C17orf114: variants seen among roughly 807,000 people sequenced by gnomAD.
C17orf114 encodes the protein uncharacterized protein C17orf114.
chr17:4,805,357 G>A (rs1168020425), upstream of C17orf114, among the ~76,000 whole-genome samples: 1 of 151,776 alleles, frequency 6.6e-6, no homozygotes, highest in Non-Finnish European at 1.5e-5. Flanking sequence ...GGGAGGCGGA[G>A]GTTGCAGTGA....
At position 4,801,364 on chromosome 17, in the gene C17orf114, G is replaced by C; in HGVS notation, c.165C>G (p.Tyr55Ter). Reference sequence around the variant, plus strand: ...AGGAGAGTCGGGCTTTCCTGCTGAAGTAGGCACCAGGCCCTGGCGAGGGTA... The same window carrying C: ...AGGAGAGTCGGGCTTTCCTGCTGAACTAGGCACCAGGCCCTGGCGAGGGTA... Residue 55 changes from tyrosine (Y) to a stop codon, truncating the protein, a stop_gained, in exon 2 of 2, where the codon TAC (tyrosine) becomes TAG (stop). Transcript: ENST00000635921. LOFTEE classifies it high-confidence loss of function. 1 of 398,934 alleles carries C rather than the reference G, an allele frequency of 2.5e-6. No homozygotes were observed. The highest frequency in any genetic ancestry group is 4.4e-6 in the Non-Finnish European group (1 of 226,288). The allele number at this position is 398,934 out of a possible 1,614,324, so 24.7% of individuals were successfully genotyped here.
upstream of C17orf114, among the ~76,000 whole-genome samples, chr17:4,802,798 T>C (rs1905544486): frequency 6.6e-6 from 1 of 152,212 alleles, no homozygotes; most frequent in Non-Finnish European, 1.5e-5. Context: ...TGTTAGATTC[T>C]CATTAAATGG....
At chr17:4,805,383 T>C (rs371780413), upstream of C17orf114, among the ~76,000 whole-genome samples, 817 of 142,296 alleles carry the variant, frequency 5.7e-3, 9 homozygotes, top group African/African-American at 0.019. Context: ...GATCGCGCCA[T>C]TGCACTCCAG....
chr17:4,801,892 G>C (rs950810907), intron 1 of C17orf114, among the ~76,000 whole-genome samples: 1 of 151,798 alleles, frequency 6.6e-6, no homozygotes, highest in Non-Finnish European at 1.5e-5. Flanking sequence ...CACCACACCC[G>C]GCTAATTTTT....
chr17:4,805,534 G>A (rs902043577), upstream of C17orf114, among the ~76,000 whole-genome samples: 6 of 149,154 alleles, frequency 4.0e-5, no homozygotes, highest in East Asian at 2.0e-4. Flanking sequence ...AGACCAGCCC[G>A]GCCAACATGG....
chr17:4,803,416 ATTTTTTTTTTTTTT>A (rs34116712), upstream of C17orf114, among the ~76,000 whole-genome samples: 4 of 75,450 alleles, frequency 5.3e-5, no homozygotes, highest in African/African-American at 1.7e-4. Context: ...GTTTTTTTTA[ATTTTTTTTTTTTTT>A]TTTTTTTTTT....
At chr17:4,806,420 C>T (rs938324546), upstream of C17orf114, among the ~76,000 whole-genome samples, 1 of 152,142 alleles carries the variant, frequency 6.6e-6, no homozygotes, top group South Asian at 2.1e-4. Flanking sequence ...ACATGTATAT[C>T]AAAAGAGAAA....
intron 1 of C17orf114, 125 bp from the exon 2 acceptor site, chr17:4,801,580 T>G (rs1438718701): frequency 2.5e-6 from 1 of 397,534 alleles, no homozygotes; most frequent in East Asian, 3.6e-5. Flanking sequence ...GTGAGGAGTG[T>G]TGGTGGCAGC....
chr17:4,805,499 C>T (rs186117516), upstream of C17orf114, among the ~76,000 whole-genome samples: 2 of 151,802 alleles, frequency 1.3e-5, no homozygotes, highest in Non-Finnish European at 2.9e-5. Flanking sequence ...CTGAGGAGGG[C>T]GGATCACTTG....
chr17:4,801,252 T>C, exon 2 of C17orf114: 2 of 398,758 alleles, frequency 5.0e-6, no homozygotes, highest in Middle Eastern at 6.3e-4. Flanking sequence ...GGAAGCTTGC[T>C]AAGCCTTCCT....
chr17:4,802,904 T>G (rs1487158832), upstream of C17orf114, among the ~76,000 whole-genome samples: 2 of 152,140 alleles, frequency 1.3e-5, no homozygotes, highest in Non-Finnish European at 2.9e-5. Context: ...TTGTCTCATT[T>G]CACTTAATCA....
In C17orf114 at chr17:4,801,464, T is replaced by C; in HGVS notation, c.74-9A>G. The C allele has an allele frequency of 2.5e-6, 1 of 398,494 alleles. No homozygotes were observed. The highest frequency in any genetic ancestry group is 4.4e-6 in the Non-Finnish European group (1 of 226,190). 24.7% of individuals were successfully genotyped at this position (398,494 alleles called of 1,614,324 possible). A position where few individuals can be genotyped will look rare whatever the true frequency, so the allele number is the denominator to read the frequency against. ...GGCAGCAGGACTCAGGCCTAAAAGA[T>C]TGGAGGAAGAAGGAAGTTGTAGGTC... On this transcript the variant is annotated splice_polypyrimidine_tract_variant and intron_variant, in intron 1 of 1. Coordinates refer to ENST00000635921, the Ensembl canonical transcript of C17orf114.
intron 1 of C17orf114, among the ~76,000 whole-genome samples, chr17:4,801,879 C>T (rs563272657): frequency 1.4e-4 from 22 of 151,886 alleles, no homozygotes; most frequent in East Asian, 5.8e-4. Context: ...TACAGGCGCC[C>T]GCCACCACAC....
upstream of C17orf114, among the ~76,000 whole-genome samples, chr17:4,804,815 A>T (rs1005905055): frequency 2.7e-5 from 4 of 150,700 alleles, no homozygotes; most frequent in Non-Finnish European, 4.4e-5. Context: ...CGATCTCCTG[A>T]CCTCGTGATC....
upstream of C17orf114, among the ~76,000 whole-genome samples, chr17:4,805,665 A>G (rs1319670466): frequency 8.7e-6 from 1 of 115,160 alleles, no homozygotes; most frequent in African/African-American, 3.4e-5. Flanking sequence ...CAAGAGCGAG[A>G]CTCTGGCCGG....
exon 1 of C17orf114, chr17:4,802,265 C>T (rs138461985): frequency 3.5e-5 from 14 of 399,880 alleles, no homozygotes; most frequent in Non-Finnish European, 5.3e-5. Flanking sequence ...CTTTCAGTCC[C>T]CCGCTGCCTC....
upstream of C17orf114, chr17:4,806,949 CG>C (rs1268252915): frequency 6.7e-6 from 1 of 150,022 alleles, no homozygotes. Flanking sequence ...GAGAGCTACG[CG>C]GCCCCGCGGC....
At chr17:4,804,441 T>C (rs970207036), upstream of C17orf114, among the ~76,000 whole-genome samples, 2 of 151,996 alleles carry the variant, frequency 1.3e-5, no homozygotes, top group Admixed American at 6.6e-5. Flanking sequence ...CGTGACCTCG[T>C]GATCTGCCCT....
upstream of C17orf114, among the ~76,000 whole-genome samples, chr17:4,804,763 T>G (rs937806212): frequency 1.3e-5 from 2 of 151,202 alleles, no homozygotes; most frequent in African/African-American, 4.9e-5. Context: ...TTTTTTGTAT[T>G]TTTAGTAGAG....
Sources: allele counts gnomAD v4.1 joint callset (sites outside exome capture counted in the v4.1 genomes callset), GRCh38; gene constraint gnomAD v4.1.1; transcripts MANE v1.5; gene names NCBI Gene and HGNC (gene_info 2026-07-23, HGNC 2026-07-21).